Variants in SGCD observed in about 807,000 individuals in gnomAD.
SGCD encodes the protein delta-sarcoglycan.
A neutral mutation model predicts 36.6 loss-of-function variants in SGCD; 18 were observed. The observed-to-expected ratio is 0.49, with a 90% confidence interval of 0.34 to 0.73. The LOEUF (loss-of-function observed/expected upper bound fraction) is 0.73, where lower values mean the gene tolerates loss of function less well. SGCD is among the 30% of genes least tolerant of loss of function. The pLI is 0.01. For missense variants in SGCD, 387 were observed against 346.7 expected, an observed-to-expected ratio of 1.12 and a Z score of -0.92; for synonymous variants, 133 against 130.6, an observed-to-expected ratio of 1.02 and a Z score of -0.12.
chr5:156,068,122 T>G (rs1760391674), intron 1 of SGCD, among the ~76,000 whole-genome samples: 1 of 151,364 alleles, frequency 6.6e-6, no homozygotes, highest in East Asian at 1.9e-4. Context: ...TTTATTTTAT[T>G]TTATGTTATT....
At chr5:155,987,743 T>A (rs1758358585) in intron 1 of SGCD, among the ~76,000 whole-genome samples, 1 of 152,172 alleles carries the variant, frequency 6.6e-6, no homozygotes, top group Non-Finnish European at 1.5e-5. Context: ...CCATTCTTCC[T>A]CTTATTTTTA....
At chr5:155,873,038 C>G (rs1398816862) in intron 1 of SGCD, among the ~76,000 whole-genome samples, 1 of 152,144 alleles carries the variant, frequency 6.6e-6, no homozygotes, top group East Asian at 1.9e-4. Context: ...CTTGTCATTA[C>G]CCTGGACAAA....
At chr5:155,946,921 C>A (rs1757447911) in intron 1 of SGCD, among the ~76,000 whole-genome samples, 1 of 152,126 alleles carries the variant, frequency 6.6e-6, no homozygotes, top group South Asian at 2.1e-4. Context: ...GGCAGTCCAG[C>A]AAAGCCCCTT....
chr5:156,148,184 C>T (rs1762750826), intron 3 of SGCD, among the ~76,000 whole-genome samples: 1 of 152,126 alleles, frequency 6.6e-6, no homozygotes, highest in South Asian at 2.1e-4. Flanking sequence ...ACAACAAAAA[C>T]TCTATAAGGA....
At chr5:156,726,367 A>G (rs1755772916) in intron 7 of SGCD, among the ~76,000 whole-genome samples, 1 of 152,138 alleles carries the variant, frequency 6.6e-6, no homozygotes, top group Admixed American at 6.6e-5. Flanking sequence ...TAAGATATAA[A>G]TCTGGTTGTC....
chr5:155,757,040 C>A, the SGCD span, among the ~76,000 whole-genome samples: 1 of 152,100 alleles, frequency 6.6e-6, no homozygotes, highest in African/African-American at 2.4e-5. Context: ...GGACCACAGG[C>A]GGGGTCTATG....
chr5:156,075,731 A>G (rs1581082724), intron 1 of SGCD, among the ~76,000 whole-genome samples: 3 of 152,308 alleles, frequency 2.0e-5, no homozygotes, highest in Middle Eastern at 6.8e-3. Context: ...TATTCTGGTG[A>G]TGATGTTAAG....
intron 1 of SGCD, among the ~76,000 whole-genome samples, chr5:156,055,973 A>G (rs1016218380): frequency 6.8e-6 from 1 of 146,384 alleles, no homozygotes. Context: ...TTAGAATTAT[A>G]TATATATTTA....
intron 3 of SGCD, among the ~76,000 whole-genome samples, chr5:156,487,674 G>C (rs1030741079): frequency 6.6e-6 from 1 of 150,418 alleles, no homozygotes; most frequent in African/African-American, 2.4e-5. Flanking sequence ...TATAATCCCA[G>C]CTATTCAGGA....
intron 1 of SGCD, among the ~76,000 whole-genome samples, chr5:156,080,386 T>C (rs1760919899): frequency 6.6e-6 from 1 of 152,238 alleles, no homozygotes; most frequent in Non-Finnish European, 1.5e-5. Flanking sequence ...GGTATACAAA[T>C]TTCTGTGGCA....
the SGCD span, among the ~76,000 whole-genome samples, chr5:155,766,917 G>A: frequency 6.6e-6 from 1 of 151,980 alleles, no homozygotes; most frequent in East Asian, 1.9e-4. Flanking sequence ...TCTTTCCCTC[G>A]AGTAGCCACT....
At chr5:156,276,171 C>A (rs773404165) in intron 3 of SGCD, among the ~76,000 whole-genome samples, 3 of 152,078 alleles carry the variant, frequency 2.0e-5, no homozygotes, top group Non-Finnish European at 4.4e-5. Context: ...ATGCTTGGTG[C>A]AGAACACTAG....
At chr5:156,380,738 T>C (rs1309414774) in intron 3 of SGCD, among the ~76,000 whole-genome samples, 3 of 152,212 alleles carry the variant, frequency 2.0e-5, no homozygotes, top group Non-Finnish European at 4.4e-5. Flanking sequence ...TACTAATCTC[T>C]CAAGATTTTT....
chr5:156,591,181 G>A (rs758999051), intron 5 of SGCD, among the ~76,000 whole-genome samples: 39 of 152,146 alleles, frequency 2.6e-4, no homozygotes, highest in Non-Finnish European at 5.1e-4. Flanking sequence ...TCTAATGCCT[G>A]TTGTGCTGGG....
chr5:155,897,310 T>A (rs370102152), intron 1 of SGCD, among the ~76,000 whole-genome samples: 22 of 152,218 alleles, frequency 1.4e-4, no homozygotes, highest in African/African-American at 5.3e-4. Flanking sequence ...TGGTAAAAAA[T>A]GCACACCTGT....
At chr5:156,137,681 A>C (rs1762491047) in intron 3 of SGCD, among the ~76,000 whole-genome samples, 1 of 152,030 alleles carries the variant, frequency 6.6e-6, no homozygotes, top group Non-Finnish European at 1.5e-5. Flanking sequence ...GAAATACTGG[A>C]CACTTTTCTA....
chr5:156,102,304 G>T (rs1216179757), intron 1 of SGCD, among the ~76,000 whole-genome samples: 2 of 151,994 alleles, frequency 1.3e-5, no homozygotes, highest in Non-Finnish European at 2.9e-5. Context: ...AGCTTCCATT[G>T]ACTAAACTGT....
At chr5:156,713,896 T>C (rs1755108913) in intron 7 of SGCD, among the ~76,000 whole-genome samples, 1 of 152,188 alleles carries the variant, frequency 6.6e-6, no homozygotes, top group African/African-American at 2.4e-5. Context: ...CCTTCACCAA[T>C]CCAGTGATTT....
chr5:156,215,969 TG>T (rs1341640391), intron 3 of SGCD, among the ~76,000 whole-genome samples: 1 of 152,106 alleles, frequency 6.6e-6, no homozygotes, highest in Admixed American at 6.5e-5. Flanking sequence ...AAAGAAAACA[TG>T]GTATATATAC....
Sources: allele counts gnomAD v4.1 joint callset (sites outside exome capture counted in the v4.1 genomes callset), GRCh38; gene constraint gnomAD v4.1.1; transcripts MANE v1.5; gene names NCBI Gene and HGNC (gene_info 2026-07-23, HGNC 2026-07-21).